The following EHBP1 variants were observed in gnomAD, a reference collection of about 807,000 sequenced individuals.
EHBP1 encodes EH domain binding protein 1, also known as EH domain-binding protein 1.
Under a neutral mutation model 144.0 loss-of-function variants are expected in EHBP1, and 55 were observed. The ratio of observed to expected loss-of-function variants is 0.38; its 90% confidence interval spans 0.31 to 0.48. EHBP1 has a LOEUF of 0.48. Ranked by LOEUF, EHBP1 falls within the 20% of genes least tolerant of loss-of-function variation. The pLI, the probability that EHBP1 is intolerant of heterozygous loss-of-function variation, is 0.98. For missense variants in EHBP1, 1,200 were observed against 1,364.2 expected, an observed-to-expected ratio of 0.88 and a Z score of 1.90; for synonymous variants, 469 against 472.7, an observed-to-expected ratio of 0.99 and a Z score of 0.10.
intron 15 of EHBP1, among the ~76,000 whole-genome samples, chr2:62,988,993 C>G (rs553723060): frequency 2.9e-4 from 44 of 152,214 alleles, no homozygotes; most frequent in African/African-American, 1.0e-3. Flanking sequence ...AACGAACACT[C>G]AAGAAAACTC....
rs1340264099 is a variant in EHBP1 at position 62,953,236 on chromosome 2, A to C, written c.2317-2281A>C. Reference sequence around the variant, plus strand: ...CCGTCTCAAAAAAAAAAAAAAAAAAAAAAAAGGTATAATAAAAATTTACTT... The same window carrying C: ...CCGTCTCAAAAAAAAAAAAAAAAAACAAAAAGGTATAATAAAAATTTACTT... On this transcript the variant is annotated intron_variant, in intron 13 of 22. Transcript: ENST00000431489. 2.6e-5 allele frequency among the ~76,000 whole-genome samples: 4 copies of C among 151,674 alleles called. No individual in the cohort carries two copies. In the East Asian group the frequency reaches 7.7e-4, roughly 29 times the overall value.
At chr2:62,725,477 G>A (rs1424988700) in intron 2 of EHBP1, among the ~76,000 whole-genome samples, 1 of 152,242 alleles carries the variant, frequency 6.6e-6, no homozygotes, top group Non-Finnish European at 1.5e-5. Flanking sequence ...TGGCACAGGG[G>A]TGGGGCACTG....
At chr2:62,690,388 C>G (rs956018888) in intron 1 of EHBP1, among the ~76,000 whole-genome samples, 56 of 151,994 alleles carry the variant, frequency 3.7e-4, no homozygotes, top group Middle Eastern at 3.4e-3. Context: ...ATGGTGAAAC[C>G]CTGTCTCTAC....
rs532964159 is a variant in EHBP1 at position 63,010,944 on chromosome 2, G to A, written c.3103+14178G>A. Among the ~76,000 whole-genome samples, 15 of 151,664 alleles carry A rather than the reference G, an allele frequency of 9.9e-5. No homozygotes were observed. In the South Asian group the frequency reaches 1.5e-3, roughly 15 times the overall value. ...CATTTCTTTGTACCAGTATGCAAAT[G>A]TATTTACATAGGAATAAATCTAGGT... On this transcript the variant is annotated intron_variant, in intron 19 of 22. Transcript: ENST00000431489.
intron 3 of EHBP1, among the ~76,000 whole-genome samples, chr2:62,756,768 C>CAAAAA (rs34717027): frequency 6.5e-5 from 5 of 76,642 alleles, no homozygotes; most frequent in African/African-American, 1.5e-4. Context: ...AACTCTATCT[C>CAAAAA]AAAAAAAAAA....
rs373273840 is a variant in EHBP1 at position 62,948,392 on chromosome 2, G to T, written c.1546G>T (p.Glu516Ter). The change falls in exon 13 of 23, where the codon GAA (glutamate) becomes TAA (stop). Residue 516 changes from glutamate (E) to a stop codon, truncating the protein, a stop_gained. Transcript: ENST00000431489. LOFTEE classifies it high-confidence loss of function. ...AATAAGGGCACATTTCAGTGGCCAAGAACTAAATGTCGTTCAGATAGAGGA... is the reference window on the plus strand; with the variant it reads ...AATAAGGGCACATTTCAGTGGCCAATAACTAAATGTCGTTCAGATAGAGGA... Reference protein sequence around the residue: ...YQIRAHFSGQELNVVQIEENS... With the variant: ...YQIRAHFSGQ 1 of 1,613,828 alleles carries T rather than the reference G, an allele frequency of 6.2e-7. No individual in the cohort carries two copies. The highest frequency in any genetic ancestry group is 8.5e-7 in the Non-Finnish European group (1 of 1,179,952).
chr2:62,954,417 A>G (rs1250428636), intron 13 of EHBP1, among the ~76,000 whole-genome samples: 1 of 152,196 alleles, frequency 6.6e-6, no homozygotes, highest in Non-Finnish European at 1.5e-5. Flanking sequence ...TGTATCTATT[A>G]AGTTAAGAAT....
chr2:62,907,856 A>G (rs1422196665), intron 10 of EHBP1, among the ~76,000 whole-genome samples: 1 of 152,186 alleles, frequency 6.6e-6, no homozygotes, highest in African/African-American at 2.4e-5. Context: ...TTGCTATTGC[A>G]TTATTATTGA....
chr2:62,945,100 C>T (rs2056988208), intron 12 of EHBP1, among the ~76,000 whole-genome samples: 1 of 152,184 alleles, frequency 6.6e-6, no homozygotes, highest in Non-Finnish European at 1.5e-5. Context: ...CTTTAGAAAT[C>T]ACAGATATTT....
chr2:62,818,553 G>A (rs549956472), intron 5 of EHBP1, among the ~76,000 whole-genome samples: 2 of 152,110 alleles, frequency 1.3e-5, no homozygotes, highest in South Asian at 2.1e-4. Flanking sequence ...TTCTCAGAAC[G>A]TATCCCTGTC....
intron 4 of EHBP1, among the ~76,000 whole-genome samples, chr2:62,768,549 C>T (rs1440234309): frequency 6.6e-6 from 1 of 152,082 alleles, no homozygotes; most frequent in Non-Finnish European, 1.5e-5. Flanking sequence ...AAAAAAAGCC[C>T]AGGACCAGAT....
chr2:62,998,260 C>G (rs949438681), intron 19 of EHBP1, among the ~76,000 whole-genome samples: 1 of 151,982 alleles, frequency 6.6e-6, no homozygotes, highest in African/African-American at 2.4e-5. Flanking sequence ...CAGTCTTATA[C>G]CTATATACTT....
chr2:62,922,301 A>G (rs973384512), intron 10 of EHBP1, among the ~76,000 whole-genome samples: 2 of 152,208 alleles, frequency 1.3e-5, no homozygotes, highest in African/African-American at 2.4e-5. Flanking sequence ...TGGCAGAGGC[A>G]AAAGAAAGTT....
chr2:62,733,492 CT>C (rs971054794), intron 2 of EHBP1, among the ~76,000 whole-genome samples: 5 of 152,136 alleles, frequency 3.3e-5, no homozygotes, highest in Non-Finnish European at 7.4e-5. Flanking sequence ...TATAATCAGG[CT>C]TTTAGTGATT....
intron 10 of EHBP1, among the ~76,000 whole-genome samples, chr2:62,878,575 C>A (rs2051090796): frequency 6.6e-6 from 1 of 152,162 alleles, no homozygotes; most frequent in African/African-American, 2.4e-5. Context: ...TAACAAAATA[C>A]TAGAAAACTA....
intron 1 of EHBP1, chr2:62,674,116 A>G (rs1226632592): frequency 2.1e-6 from 1 of 471,098 alleles, no homozygotes. Context: ...CATCCTCCTA[A>G]TGTTCTAGAA....
chr2:62,743,193 G>A (rs1020656814), intron 2 of EHBP1, among the ~76,000 whole-genome samples: 10 of 152,030 alleles, frequency 6.6e-5, no homozygotes, highest in African/African-American at 2.4e-4. Context: ...TTTAATGCCT[G>A]TGTGATTTTC....
chr2:63,002,872 A>G (rs1327226142), intron 19 of EHBP1, among the ~76,000 whole-genome samples: 3 of 152,086 alleles, frequency 2.0e-5, no homozygotes, highest in Non-Finnish European at 2.9e-5. Flanking sequence ...GATCCAACTC[A>G]TAGATACTGA....
At chr2:63,010,124 T>C (rs2060208627) in intron 19 of EHBP1, among the ~76,000 whole-genome samples, 1 of 151,354 alleles carries the variant, frequency 6.6e-6, no homozygotes. Flanking sequence ...AAATTCCTAA[T>C]ATTAGCTTCT....
Sources: allele counts gnomAD v4.1 joint callset (sites outside exome capture counted in the v4.1 genomes callset), GRCh38; gene constraint gnomAD v4.1.1; transcripts MANE v1.5; gene names NCBI Gene and HGNC (gene_info 2026-07-23, HGNC 2026-07-21).